Variants in TPTE observed in about 807,000 individuals in gnomAD.
TPTE encodes putative tyrosine-protein phosphatase TPTE.
Under a neutral mutation model 84.1 loss-of-function variants are expected in TPTE, and 59 were observed. The ratio of observed to expected loss-of-function variants is 0.70; its 90% CI spans 0.57 to 0.87. The LOEUF is 0.87. Among genes scored for constraint, TPTE ranks in the 40% least tolerant of loss-of-function variants. The pLI is 0.00. For synonymous variants in TPTE, 130 were observed against 223.5 expected (o/e 0.58, Z 3.73); for missense variants, 382 against 659.6 (o/e 0.58, Z 4.61).
chr21:10,565,949 C>A (rs1192486870), intron 10 of TPTE, among the ~76,000 whole-genome samples: 3 of 152,304 alleles, frequency 2.0e-5, no homozygotes, highest in African/African-American at 7.2e-5. Flanking sequence ...TTGGTCTGAG[C>A]AAAAATTACT....
rs779824249 is a variant in TPTE, at chr21:10,583,531, CT to C, written c.1027+4930del. Among the ~76,000 whole-genome samples, 10 of 152,406 alleles carry C rather than the reference CT, an allele frequency of 6.6e-5. No individual in the cohort carries two copies. In the East Asian group the frequency reaches 1.7e-3, roughly 26 times the overall value. On this transcript the variant is annotated intron_variant, in intron 17 of 23. Transcript: ENST00000618007. Reference sequence around the variant, plus strand: ...AAAGCTTTTCTGCTCTGTGATTTGCCTTTTCTGTCTCTCAGGAGTAGCTTTT... The same window carrying C: ...AAAGCTTTTCTGCTCTGTGATTTGCCTTTCTGTCTCTCAGGAGTAGCTTTT...
chr21:10,599,679 C>G (rs1457866295), intron 21 of TPTE, among the ~76,000 whole-genome samples: 1 of 152,306 alleles, frequency 6.6e-6, no homozygotes, highest in African/African-American at 2.4e-5. Flanking sequence ...CTCTTGAGCT[C>G]TGAAGATATA....
chr21:10,590,866 TTAAA>T (rs2075461979), intron 18 of TPTE, among the ~76,000 whole-genome samples: 1 of 152,312 alleles, frequency 6.6e-6, no homozygotes, highest in African/African-American at 2.4e-5. Flanking sequence ...TATCAACATG[TTAAA>T]TAAAGACAAG....
intron 8 of TPTE, among the ~76,000 whole-genome samples, chr21:10,557,595 G>A (rs1341333737): frequency 6.6e-6 from 1 of 152,306 alleles, no homozygotes; most frequent in Non-Finnish European, 1.5e-5. Flanking sequence ...ACCTCTTTTG[G>A]CCAATTGATC....
At chr21:10,524,976 A>C (rs1433532303) in intron 2 of TPTE, among the ~76,000 whole-genome samples, 1 of 152,278 alleles carries the variant, frequency 6.6e-6, no homozygotes, top group Non-Finnish European at 1.5e-5. Flanking sequence ...ATTCTATGAC[A>C]TTTTAGGCAG....
chr21:10,524,323 G>C (rs1399539932), intron 1 of TPTE, among the ~76,000 whole-genome samples: 1 of 152,300 alleles, frequency 6.6e-6, no homozygotes, highest in African/African-American at 2.4e-5. Context: ...ACCCAGCTGG[G>C]GGGACCACTA....
chr21:10,527,529 A>G (rs2074101892), intron 3 of TPTE, 117 bp downstream of exon 3: 7 of 152,760 alleles, frequency 4.6e-5, no homozygotes, highest in Admixed American at 4.6e-4. Flanking sequence ...AGTGGAAAAA[A>G]TAAGATCAGG....
At chr21:10,605,315 G>A (rs1298470725) in intron 23 of TPTE, 102 bp from the exon 24 acceptor site, 1 of 1,445,990 alleles carries the variant, frequency 6.9e-7, no homozygotes. Context: ...TATTCATGGT[G>A]AGGTTCTTTT....
intron 14 of TPTE, among the ~76,000 whole-genome samples, chr21:10,572,602 G>T (rs2075067907): frequency 6.6e-6 from 1 of 152,090 alleles, no homozygotes; most frequent in African/African-American, 2.4e-5. Context: ...TATATTCAAA[G>T]TACCGAAGGA....
chr21:10,561,238 A>G (rs2074798091), intron 10 of TPTE, 47 bp downstream of exon 10: 5 of 1,605,018 alleles, frequency 3.1e-6, no homozygotes, highest in Non-Finnish European at 4.3e-6. Flanking sequence ...TTGTAGTTTT[A>G]TAAGAAGCAC....
intron 18 of TPTE, 123 bp downstream of exon 18, chr21:10,590,646 A>C: frequency 6.6e-7 from 1 of 1,503,928 alleles, no homozygotes; most frequent in East Asian, 2.3e-5. Flanking sequence ...GTAATTAGAG[A>C]AGCAGTCTTT....
chr21:10,553,651 A>T (rs1341696441), intron 8 of TPTE, among the ~76,000 whole-genome samples: 1 of 152,312 alleles, frequency 6.6e-6, no homozygotes, highest in Non-Finnish European at 1.5e-5. Flanking sequence ...CATTACATAG[A>T]TATAGGAGGA....
intron 1 of TPTE, among the ~76,000 whole-genome samples, chr21:10,524,367 A>T (rs1480548118): frequency 2.0e-5 from 3 of 152,308 alleles, no homozygotes; most frequent in African/African-American, 7.2e-5. Flanking sequence ...GGGACCTTAC[A>T]GAGTCCCCTT....
chr21:10,542,868 T>C (rs1366667348), intron 6 of TPTE, among the ~76,000 whole-genome samples: 4 of 152,306 alleles, frequency 2.6e-5, no homozygotes, highest in Non-Finnish European at 4.4e-5. Context: ...CTTCCTGTAA[T>C]GTATTTGCCA....
chr21:10,563,155 A>C (rs1216762790), intron 10 of TPTE, among the ~76,000 whole-genome samples: 1 of 152,310 alleles, frequency 6.6e-6, no homozygotes, highest in Non-Finnish European at 1.5e-5. Context: ...CAGTGTATCC[A>C]GTGAAAGTAT....
chr21:10,591,656 T>G (rs367778462), intron 18 of TPTE, among the ~76,000 whole-genome samples: 1,248 of 150,416 alleles, frequency 8.3e-3, no homozygotes, highest in South Asian at 0.045. Flanking sequence ...CCCAGGGACA[T>G]GTATGCGAGG....
intron 4 of TPTE, 84 bp downstream of exon 4, chr21:10,538,818 A>G (rs541728654): frequency 5.6e-6 from 9 of 1,613,458 alleles, no homozygotes; most frequent in South Asian, 2.2e-5. Context: ...ATAAACAAAT[A>G]TATCCATCCA....
At chr21:10,565,210 C>A (rs1257329784) in intron 10 of TPTE, among the ~76,000 whole-genome samples, 5 of 152,308 alleles carry the variant, frequency 3.3e-5, no homozygotes, top group Admixed American at 6.5e-5. Flanking sequence ...TATATGTCAA[C>A]AGTGAACCAT....
chr21:10,538,528 TA>T (rs1156352529), intron 3 of TPTE, among the ~76,000 whole-genome samples, 152 bp from the exon 4 acceptor site: 1 of 152,310 alleles, frequency 6.6e-6, no homozygotes. Flanking sequence ...CCTTTTTAAT[TA>T]AAAAATGACA....
Sources: allele counts gnomAD v4.1 joint callset (sites outside exome capture counted in the v4.1 genomes callset), GRCh38; gene constraint gnomAD v4.1.1; transcripts MANE v1.5; gene names NCBI Gene and HGNC (gene_info 2026-07-23, HGNC 2026-07-21).